Variants in DYNLT5 observed in about 807,000 individuals in gnomAD.
DYNLT5 encodes the protein dynein light chain Tctex-type family member 5.
A neutral mutation model predicts 19.3 loss-of-function variants in DYNLT5; 25 were observed. The observed-to-expected ratio is 1.30, with a 90% CI of 0.95 to 1.81. DYNLT5 has a LOEUF of 1.81. DYNLT5 is among the 40% of genes most tolerant of loss of function. The pLI is 0.00. For missense variants in DYNLT5, 232 were observed against 217.9 expected (o/e 1.06, Z -0.41); for synonymous variants, 82 against 68.9 (o/e 1.19, Z -0.94).
At chr1:66,754,511 T>C (rs988643722) in intron 1 of DYNLT5, 145 bp from the exon 2 acceptor site, 4 of 674,840 alleles carry the variant, frequency 5.9e-6, no homozygotes, top group Non-Finnish European at 8.7e-6. Flanking sequence ...CAACAAATTC[T>C]ATATATTGCT....
chr1:66,752,468 G>C lies in DYNLT5; in HGVS notation c.-120G>C, dbSNP rs374737754. 8 of 985,588 alleles carry C rather than the reference G, an allele frequency of 8.1e-6. No individual in the cohort carries two copies. The highest frequency in any genetic ancestry group is 1.1e-4 in the East Asian group (1 of 8,798). 61.1% of individuals were successfully genotyped at this position (985,588 alleles called of 1,614,324 possible). A position where few individuals can be genotyped will look rare whatever the true frequency, so the allele number is the denominator to read the frequency against. Reference sequence around the variant, plus strand: ...CCTGGAGACCGGCCTCAGAGTCCAGGGAGAGTGCGCGGGCGGCCGCCGGCT... The same window carrying C: ...CCTGGAGACCGGCCTCAGAGTCCAGCGAGAGTGCGCGGGCGGCCGCCGGCT... On this transcript the variant is annotated 5_prime_UTR_variant, in exon 1 of 5. Transcript: ENST00000282670.
In DYNLT5 at chr1:66,770,274, T is replaced by G. The variant is rs1645196436; in HGVS notation, c.120-113T>G. On this transcript the variant is annotated intron_variant, in intron 2 of 4. Transcript: ENST00000282670. ...ACTAGGATATTTACATAAGACTTACTTGAAATTTTCTGAGAAAACTTCATC... is the reference window on the plus strand; with the variant it reads ...ACTAGGATATTTACATAAGACTTACGTGAAATTTTCTGAGAAAACTTCATC... 3 of 725,632 alleles carry G rather than the reference T, an allele frequency of 4.1e-6. No homozygotes were observed. The African/African-American group carries it at 5.4e-5, about 13-fold the overall frequency. The allele number at this position is 725,632 out of a possible 1,614,324, so 44.9% of individuals were successfully genotyped here.
intron 2 of DYNLT5, among the ~76,000 whole-genome samples, chr1:66,755,362 T>G (rs1333603475): frequency 1.3e-5 from 2 of 152,204 alleles, no homozygotes; most frequent in Admixed American, 6.5e-5. Flanking sequence ...ATAAGTAGAT[T>G]TTTTGGTTCT....
intron 3 of DYNLT5, among the ~76,000 whole-genome samples, chr1:66,774,546 C>A (rs575860868): frequency 4.5e-4 from 68 of 152,256 alleles, no homozygotes; most frequent in African/African-American, 1.6e-3. Flanking sequence ...GAGGCTGTAA[C>A]CTTCTGGTTA....
At chr1:66,761,818 AT>A (rs1192735860) in intron 2 of DYNLT5, among the ~76,000 whole-genome samples, 1 of 152,170 alleles carries the variant, frequency 6.6e-6, no homozygotes, top group African/African-American at 2.4e-5. Context: ...AATAAAATAA[AT>A]TTTAAAGCTT....
In DYNLT5 at chr1:66,777,529, T is replaced by C; in HGVS notation, c.*75T>C. 2 of 1,308,956 alleles carry C rather than the reference T, an allele frequency of 1.5e-6. No homozygotes were observed. Among genetic ancestry groups the C allele is most frequent in the South Asian group, 3.0e-5 (2 of 66,088 alleles). The allele number at this position is 1,308,956 out of a possible 1,614,324, so 81.1% of individuals were successfully genotyped here. On this transcript the variant is annotated 3_prime_UTR_variant, in exon 5 of 5. Coordinates refer to ENST00000282670, the MANE Select transcript of DYNLT5 (RefSeq NM_152665.3). ...GTATGTCTGTACACAAAAGTTTTAC[T>C]GCCAAAAACTTTGAGAAAGAAACAA...
At chr1:66,769,281 G>A (rs1557873185) in intron 2 of DYNLT5, among the ~76,000 whole-genome samples, 1 of 152,148 alleles carries the variant, frequency 6.6e-6, no homozygotes, top group East Asian at 1.9e-4. Context: ...TTCTTGGGCT[G>A]AGTGGGTAAA....
chr1:66,769,334 A>G (rs1645187932), intron 2 of DYNLT5, among the ~76,000 whole-genome samples: 1 of 152,208 alleles, frequency 6.6e-6, no homozygotes, highest in South Asian at 2.1e-4. Flanking sequence ...AAGGATTTTT[A>G]AAAATAGATT....
chr1:66,773,847 C>T (rs1007643451), intron 3 of DYNLT5, among the ~76,000 whole-genome samples: 5 of 151,586 alleles, frequency 3.3e-5, no homozygotes, highest in East Asian at 1.9e-4. Context: ...AAAAAAATCT[C>T]GAGAAAGAAG....
At chr1:66,759,990 C>T (rs2094643030) in intron 2 of DYNLT5, among the ~76,000 whole-genome samples, 1 of 152,306 alleles carries the variant, frequency 6.6e-6, no homozygotes, top group Middle Eastern at 3.4e-3. Flanking sequence ...AAAGCATTTG[C>T]ATGTGCTGTT....
chr1:66,768,219 A>G (rs1645179154), intron 2 of DYNLT5, among the ~76,000 whole-genome samples: 1 of 152,196 alleles, frequency 6.6e-6, no homozygotes, highest in Admixed American at 6.5e-5. Context: ...GTTATCCATG[A>G]TACATTTTAA....
intron 3 of DYNLT5, among the ~76,000 whole-genome samples, chr1:66,773,558 A>G (rs1645216267): frequency 6.6e-6 from 1 of 152,204 alleles, no homozygotes; most frequent in Admixed American, 6.5e-5. Context: ...TAACAGCAAT[A>G]ACACTAATAA....
chr1:66,754,598 C>A, intron 1 of DYNLT5, 58 bp from the exon 2 acceptor site: 2 of 1,533,544 alleles, frequency 1.3e-6, no homozygotes, highest in South Asian at 1.3e-5. Context: ...CCCTGTTATA[C>A]TAACTAAAAT....
chr1:66,777,292 TA>T lies in DYNLT5; in HGVS notation c.381del (p.Lys127AsnfsTer2). The part of the protein sequence containing the change: ...QVKDLMIPRY[K>X]LIVIVHIGQL... Reference sequence around the variant, plus strand: ...TCAAGGACTTGATGATTCCACGGTATAAACTAATTGTGATTGTTCACATTGG... The same window carrying T: ...TCAAGGACTTGATGATTCCACGGTATAACTAATTGTGATTGTTCACATTGG... On this transcript the variant is annotated frameshift_variant, in exon 5 of 5. Transcript: ENST00000282670. LOFTEE classifies it high-confidence loss of function. 6.2e-7 allele frequency: 1 copy of T among 1,613,850 alleles called. No homozygotes were observed.
intron 3 of DYNLT5, among the ~76,000 whole-genome samples, chr1:66,774,261 A>T (rs1268706363): frequency 6.6e-6 from 1 of 151,956 alleles, no homozygotes. Flanking sequence ...AAAGAGGCTG[A>T]CTCTTTTTTC....
intron 3 of DYNLT5, 171 bp downstream of exon 3, chr1:66,770,649 A>G (rs767106164): frequency 1.4e-6 from 1 of 702,198 alleles, no homozygotes; most frequent in Non-Finnish European, 2.6e-6. Flanking sequence ...CAAAAAGGTA[A>G]CAACACTTGC....
chr1:66,761,665 G>T (rs1003074365), intron 2 of DYNLT5, among the ~76,000 whole-genome samples: 1 of 152,170 alleles, frequency 6.6e-6, no homozygotes, highest in Non-Finnish European at 1.5e-5. Flanking sequence ...TGTAGTCCTA[G>T]GTACTTGGGA....
chr1:66,755,281 T>C (rs537767008), intron 2 of DYNLT5, among the ~76,000 whole-genome samples: 1 of 152,026 alleles, frequency 6.6e-6, no homozygotes, highest in Non-Finnish European at 1.5e-5. Flanking sequence ...TTTGTTTCCA[T>C]TTTTTTTCTT....
rs1248094993 is a variant in DYNLT5, at chr1:66,770,470, A to G, written c.203A>G (p.Tyr68Cys). Residue 68 changes from tyrosine to cysteine, a missense_variant, in exon 3 of 5, where the codon TAT (tyrosine) becomes TGT (cysteine). Physicochemically the swap from Tyr to Cys is radical, Grantham distance 194 (BLOSUM62 -2). Transcript: ENST00000282670. ...CTTACAGTTCAGATGGAAAACACCT[A>G]TCAGTTGGGTGTGTTCTTTTATCTC... ...SRLTVQMENTYQLGPPKHFPV... is the reference protein window; with the variant it reads ...SRLTVQMENTCQLGPPKHFPV... 3 of 1,611,976 alleles carry G rather than the reference A, an allele frequency of 1.9e-6. No homozygotes were observed. The highest frequency in any genetic ancestry group is 2.5e-6 in the Non-Finnish European group (3 of 1,178,298).
Sources: gnomAD v4.1 joint callset for allele counts (sites outside exome capture counted in the v4.1 genomes callset) on GRCh38, gnomAD v4.1.1 for gene constraint, MANE v1.5 for transcripts, NCBI Gene and HGNC (gene_info 2026-07-23, HGNC 2026-07-21) for gene names.